PNLIP: variants seen among roughly 807,000 people sequenced by gnomAD.
The protein encoded by PNLIP is pancreatic lipase, also known as pancreatic triacylglycerol lipase.
PNLIP carries 49 observed loss-of-function variants against 57.1 expected under a neutral mutation model. The observed-to-expected ratio is 0.86, with a 90% CI of 0.68 to 1.09. The LOEUF is 1.09. PNLIP is among the 50% of genes least tolerant of loss of function. The pLI is 0.00. For missense variants in PNLIP, 503 were observed against 570.2 expected, an observed-to-expected ratio of 0.88 and a Z score of 1.20; for synonymous variants, 209 against 200.4, an observed-to-expected ratio of 1.04 and a Z score of -0.36.
At chr10:116,552,651 C>A (rs1314524520) in intron 5 of PNLIP, among the ~76,000 whole-genome samples, 5 of 152,086 alleles carry the variant, frequency 3.3e-5, no homozygotes, top group Non-Finnish European at 7.4e-5. Context: ...CTTTGGGAGG[C>A]CGAGGCGGGC....
At chr10:116,555,604 C>A in intron 8 of PNLIP, 97 bp downstream of exon 8, 1 of 1,314,456 alleles carries the variant, frequency 7.6e-7, no homozygotes, top group Non-Finnish European at 1.1e-6. Flanking sequence ...ACAGGTCTCA[C>A]ATTTTACATA....
intron 8 of PNLIP, 136 bp from the exon 9 acceptor site, chr10:116,555,864 T>C: frequency 1.5e-6 from 1 of 661,434 alleles, no homozygotes; most frequent in Non-Finnish European, 2.7e-6. Flanking sequence ...AAATATACTT[T>C]ACAAATGACT....
chr10:116,556,223 G>T, intron 9 of PNLIP, 105 bp downstream of exon 9: 1 of 690,332 alleles, frequency 1.4e-6, no homozygotes, highest in Non-Finnish European at 2.6e-6. Flanking sequence ...TTATACTTTT[G>T]AACTTATACA....
chr10:116,556,639 G>T (rs1001013890), intron 9 of PNLIP, among the ~76,000 whole-genome samples: 2 of 151,564 alleles, frequency 1.3e-5, no homozygotes, highest in African/African-American at 4.8e-5. Flanking sequence ...GAACGTGCAG[G>T]TTTGTTACAT....
intron 9 of PNLIP, among the ~76,000 whole-genome samples, chr10:116,558,367 T>G (rs2133205239): frequency 6.6e-6 from 1 of 150,750 alleles, no homozygotes; most frequent in South Asian, 2.1e-4. Flanking sequence ...GCTAATTTTT[T>G]GTATTTTTAG....
At chr10:116,557,879 T>TAC (rs1370810579) in intron 9 of PNLIP, among the ~76,000 whole-genome samples, 3 of 152,098 alleles carry the variant, frequency 2.0e-5, no homozygotes, top group Admixed American at 6.5e-5. Context: ...AGCCTTAGGC[T>TAC]AGCTGGGGCA....
chr10:116,547,725 C>CAAAAAAA (rs569977938), intron 3 of PNLIP, among the ~76,000 whole-genome samples: 9 of 47,156 alleles, frequency 1.9e-4, no homozygotes, highest in Non-Finnish European at 2.1e-4. Context: ...GACTCCATCT[C>CAAAAAAA]AAAAAAAAAA....
chr10:116,557,482 C>T (rs538283075), intron 9 of PNLIP, among the ~76,000 whole-genome samples: 3 of 152,198 alleles, frequency 2.0e-5, no homozygotes, highest in South Asian at 4.2e-4. Flanking sequence ...GGGCTCCTTT[C>T]GACTCTGGGT....
intron 12 of PNLIP, among the ~76,000 whole-genome samples, chr10:116,564,117 T>A (rs958499930): frequency 6.6e-6 from 1 of 151,938 alleles, no homozygotes; most frequent in East Asian, 1.9e-4. Context: ...CCAATACACA[T>A]AAAAATCAAA....
At position 116,556,017 on chromosome 10, in the gene PNLIP, G is replaced by T; in HGVS notation, c.829G>T (p.Ala277Ser). 1 of 1,611,116 alleles carries T rather than the reference G, an allele frequency of 6.2e-7. No individual in the cohort carries two copies. Among genetic ancestry groups the T allele is most frequent in the Non-Finnish European group, 8.5e-7 (1 of 1,177,526 alleles). The change falls in exon 9 of 13, where the codon GCC (alanine) becomes TCC (serine). Residue 277 changes from alanine (A) to serine (S), a missense_variant. By Grantham distance (99) the Ala-to-Ser change is moderately conservative. Coordinates refer to ENST00000369221, the MANE Select transcript of PNLIP (RefSeq NM_000936.4). ...ATTCAAAGGGACTCGAGACTTTGCG[G>T]CCTGTAATCACTTAAGAAGCTACAA... ...GIWEGTRDFAACNHLRSYKYY... is the reference protein window; with the variant it reads ...GIWEGTRDFASCNHLRSYKYY...
chr10:116,548,279 A>T (rs1847152297), intron 3 of PNLIP, 81 bp from the exon 4 acceptor site: 6 of 1,374,420 alleles, frequency 4.4e-6, no homozygotes, highest in Non-Finnish European at 6.1e-6. Context: ...GCAGTCTTCT[A>T]CTTACTGCCC....
At chr10:116,566,151 C>T (rs1209552200) in intron 12 of PNLIP, among the ~76,000 whole-genome samples, 1 of 152,148 alleles carries the variant, frequency 6.6e-6, no homozygotes, top group Non-Finnish European at 1.5e-5. Context: ...AGAAATAATC[C>T]AAATGTCTAC....
At chr10:116,552,334 C>T (rs1265235050) in intron 5 of PNLIP, among the ~76,000 whole-genome samples, 9 of 152,084 alleles carry the variant, frequency 5.9e-5, no homozygotes, top group African/African-American at 2.2e-4. Context: ...CAGCTTCATG[C>T]ATGTTATTGC....
chr10:116,550,119 C>T (rs540797674), intron 4 of PNLIP, among the ~76,000 whole-genome samples: 3 of 134,642 alleles, frequency 2.2e-5, no homozygotes, highest in Non-Finnish European at 4.5e-5. Flanking sequence ...AGTGCAGTGG[C>T]GCGATCTTGG....
At chr10:116,561,786 G>A in intron 12 of PNLIP, 150 bp downstream of exon 12, 1 of 616,652 alleles carries the variant, frequency 1.6e-6, no homozygotes, top group Non-Finnish European at 2.8e-6. Flanking sequence ...GTTTCTTTAG[G>A]GAAAAGGGTA....
intron 10 of PNLIP, 124 bp from the exon 11 acceptor site, chr10:116,560,292 C>T (rs1052075692): frequency 1.7e-6 from 1 of 581,482 alleles, no homozygotes; most frequent in Non-Finnish European, 3.1e-6. Context: ...CACACACACA[C>T]ACACACACAC....
chr10:116,549,864 G>A (rs1847171810), intron 4 of PNLIP, among the ~76,000 whole-genome samples: 1 of 152,208 alleles, frequency 6.6e-6, no homozygotes, highest in South Asian at 2.1e-4. Flanking sequence ...ATTTGGCTTT[G>A]ACAGAACTAT....
At chr10:116,555,592 G>A in intron 8 of PNLIP, 85 bp downstream of exon 8, 1 of 1,423,190 alleles carries the variant, frequency 7.0e-7, no homozygotes, top group Non-Finnish European at 9.6e-7. Context: ...CTTTGGAATT[G>A]TACAGGTCTC....
At chr10:116,551,025 T>A in intron 4 of PNLIP, 73 bp from the exon 5 acceptor site, 1 of 1,256,914 alleles carries the variant, frequency 8.0e-7, no homozygotes, top group African/African-American at 1.5e-5. Context: ...TTTATCCTAG[T>A]CCTCCAGTAT....
Sources: gnomAD v4.1 joint callset for allele counts (sites outside exome capture counted in the v4.1 genomes callset) on GRCh38, gnomAD v4.1.1 for gene constraint, MANE v1.5 for transcripts, NCBI Gene and HGNC (gene_info 2026-07-23, HGNC 2026-07-21) for gene names.